The following SLURP2 variants were observed in gnomAD, a reference collection of about 807,000 sequenced individuals.
SLURP2 encodes secreted LY6/PLAUR domain containing 2.
In SLURP2, 4 loss-of-function variants were observed where a neutral mutation model predicts 9.8. That is an observed-to-expected ratio of 0.41 (90% confidence interval 0.20 to 0.94). SLURP2 has a LOEUF of 0.94. Among genes scored for constraint, SLURP2 ranks in the 40% least tolerant of loss-of-function variants. The pLI is 0.32. For missense variants in SLURP2, 118 were observed against 126.4 expected (o/e 0.93, Z 0.32); for synonymous variants, 58 against 56.2 (o/e 1.03, Z -0.15).
intron 2 of SLURP2, 27 bp downstream of exon 2, chr8:142,765,008 TG>T (rs1469817414): frequency 1.3e-6 from 2 of 1,570,488 alleles, no homozygotes; most frequent in African/African-American, 2.7e-5. Flanking sequence ...AAGAAGGACG[TG>T]GCCAGCCCAC....
chr8:142,764,706 T>C lies in SLURP2; in HGVS notation c.193A>G (p.Thr65Ala). Residue 65 changes from threonine (T) to alanine (A), a missense_variant, in exon 3 of 3, where the codon ACC becomes GCC. Coordinates refer to ENST00000317543, the MANE Select transcript of SLURP2 (RefSeq NM_177458.3). ...LSNTEDLPLV[T>A]KMCHIGCPDI... ...GGGCAGCCTATGTGGCACATCTTGG[T>C]GACCAGAGGCAAATCCTCGGTGTTG... is the stretch of plus-strand genomic sequence containing the variant. The C allele has an allele frequency of 6.2e-7, 1 of 1,613,324 alleles. No homozygotes were observed. Among genetic ancestry groups the C allele is most frequent in the Non-Finnish European group, 8.5e-7 (1 of 1,179,730 alleles).
chr8:142,765,969 AAAAACAAAAAAC>A (rs1459549215), intron 1 of SLURP2, among the ~76,000 whole-genome samples: 7 of 142,928 alleles, frequency 4.9e-5, no homozygotes, highest in South Asian at 4.4e-4. Flanking sequence ...CCTCAAAAAA[AAAAACAAAAAAC>A]AAAAAACAAA....
intron 1 of SLURP2, among the ~76,000 whole-genome samples, chr8:142,767,437 G>T (rs1815039656): frequency 6.6e-6 from 1 of 152,238 alleles, no homozygotes; most frequent in Non-Finnish European, 1.5e-5. Flanking sequence ...ACAGGCCACA[G>T]CTGGCTGGGG....
rs751635468 is a variant in SLURP2 at position 142,764,722 on chromosome 8, C to T, written c.177G>A (p.Glu59=). ...TTATRVLSNT[E]DLPLVTKMCH... is the part of the protein sequence containing the mutation. ...ACATCTTGGTGACCAGAGGCAAATC[C>T]TCGGTGTTGCTGAGGACCCCTGAGT... The change falls in exon 3 of 3, where the codon GAG becomes GAA. Residue 59 remains glutamate (E), a synonymous_variant. Transcript: ENST00000317543. 57 of 1,613,464 alleles carry T rather than the reference C, an allele frequency of 3.5e-5. No homozygotes were observed. The highest frequency in any genetic ancestry group is 4.7e-5 in the Non-Finnish European group (56 of 1,179,840).
rs1815061940 is a variant in SLURP2, at chr8:142,768,197, G to T, written c.52+1558C>A. Among the ~76,000 whole-genome samples the T allele has an allele frequency of 1.4e-5, 2 of 140,128 alleles. No homozygotes were observed. Among genetic ancestry groups the T allele is most frequent in the African/African-American group, 5.3e-5 (2 of 37,656 alleles). 91.9% of individuals were successfully genotyped at this position (140,128 alleles called of 152,430 possible). A position where few individuals can be genotyped will look rare whatever the true frequency, so the allele number is the denominator to read the frequency against. ...GGAGAGGAAGGAAGGAAGGGAAGGA[G>T]GGAGGAGGAATAGAGAGGAGGAGGG... On this transcript the variant is annotated intron_variant, in intron 1 of 2. Transcript: ENST00000317543. The surrounding 1 kb of genome is among the most constrained non-coding windows in gnomAD (Gnocchi z 4.8).
At chr8:142,769,710 T>C (rs1176318881) in intron 1 of SLURP2, 45 bp downstream of exon 1, 1 of 1,559,720 alleles carries the variant, frequency 6.4e-7, no homozygotes, top group Non-Finnish European at 8.7e-7. Flanking sequence ...TGGGCTAGAG[T>C]GATGGGGGCC....
chr8:142,764,456 T>A lies in SLURP2; in HGVS notation c.*149A>T. 2.3e-6 allele frequency: 2 copies of A among 866,906 alleles called. No homozygotes were observed. The highest frequency in any genetic ancestry group is 3.7e-6 in the Non-Finnish European group (2 of 536,038). The allele number at this position is 866,906 out of a possible 1,614,324, so 53.7% of individuals were successfully genotyped here. On this transcript the variant is annotated 3_prime_UTR_variant, in exon 3 of 3. Transcript: ENST00000317543. ...ATTGAGGCAAGACTCCACGCAGGAC[T>A]TCCCTAGGACAAGCGGTGCTGGACG...
intron 1 of SLURP2, 75 bp from the exon 2 acceptor site, chr8:142,765,215 C>T: frequency 2.7e-6 from 3 of 1,092,834 alleles, no homozygotes; most frequent in Non-Finnish European, 4.0e-6. Context: ...TGACGGCACG[C>T]ACTCATCTCC....
intron 1 of SLURP2, among the ~76,000 whole-genome samples, chr8:142,765,790 ATC>A (rs1814986115): frequency 6.6e-6 from 1 of 151,916 alleles, no homozygotes. Context: ...GTGAAACCCT[ATC>A]TCTACTAAAA....
At chr8:142,767,448 T>G (rs1043158986) in intron 1 of SLURP2, among the ~76,000 whole-genome samples, 1 of 151,478 alleles carries the variant, frequency 6.6e-6, no homozygotes, top group African/African-American at 2.4e-5. Context: ...CTGGCTGGGG[T>G]GGGGGGTAGC....
intron 1 of SLURP2, chr8:142,766,557 G>A (rs1047634670): frequency 2.6e-5 from 4 of 152,300 alleles, no homozygotes; most frequent in African/African-American, 7.2e-5. Context: ...CTGCTCTTCC[G>A]CGGGCGCTGC....
At chr8:142,765,832 G>A (rs775535456) in intron 1 of SLURP2, among the ~76,000 whole-genome samples, 8 of 151,960 alleles carry the variant, frequency 5.3e-5, no homozygotes, top group East Asian at 1.9e-4. Context: ...GCATGGTGGC[G>A]TGTGCCTGTA....
chr8:142,764,455 C>T lies in SLURP2; in HGVS notation c.*150G>A. The T allele has an allele frequency of 1.2e-6, 1 of 864,094 alleles. No homozygotes were observed. Among genetic ancestry groups the T allele is most frequent in the Non-Finnish European group, 1.9e-6 (1 of 533,430 alleles). 53.5% of individuals were successfully genotyped at this position (864,094 alleles called of 1,614,324 possible). ...GATTGAGGCAAGACTCCACGCAGGA[C>T]TTCCCTAGGACAAGCGGTGCTGGAC... On this transcript the variant is annotated 3_prime_UTR_variant, in exon 3 of 3. Coordinates refer to ENST00000317543, the MANE Select transcript of SLURP2 (RefSeq NM_177458.3).
At position 142,764,641 on chromosome 8, in the gene SLURP2, G is replaced by A. The variant is rs61742294; in HGVS notation, c.258C>T (p.Ile86=). The A allele has an allele frequency of 1.7e-4, 270 of 1,608,884 alleles. No individual in the cohort carries two copies. In the African/African-American group the frequency reaches 3.2e-3, roughly 19 times the overall value. Residue 86 remains isoleucine, a synonymous_variant, in exon 3 of 3, where the codon ATC becomes ATT. Coordinates refer to ENST00000317543, the MANE Select transcript of SLURP2 (RefSeq NM_177458.3). ...PSLGLGPYVS[I]ACCQTSLCNH... ...TGCAGAGGCTGGTCTGGCAGCAAGC[G>A]ATGGATACGTAGGGGCCCAGGCCCA...
chr8:142,769,643 C>T (rs1033000582), intron 1 of SLURP2, 112 bp downstream of exon 1: 5 of 912,228 alleles, frequency 5.5e-6, no homozygotes, highest in African/African-American at 3.3e-5. Context: ...GGTGGGGGGA[C>T]AGGAATGGGT....
In SLURP2 at chr8:142,768,320, C is replaced by T. The variant is rs1204841824; in HGVS notation, c.52+1435G>A. ...CTGCATGGCTGGGGGCAGGTCTCTC[C>T]CACTGGGGACCCCCGTGCTGGCTCT... On this transcript the variant is annotated intron_variant, in intron 1 of 2. Coordinates refer to ENST00000317543, the MANE Select transcript of SLURP2 (RefSeq NM_177458.3). This position sits in a 1 kb window ranked among gnomAD's most constrained non-coding sequence, Gnocchi z 4.8. Among the ~76,000 whole-genome samples, 1 of 152,032 alleles carries T rather than the reference C, an allele frequency of 6.6e-6. No individual in the cohort carries two copies. Among genetic ancestry groups the T allele is most frequent in the East Asian group, 1.9e-4 (1 of 5,162 alleles).
At chr8:142,766,773 CCT>C (rs1815022184) in intron 1 of SLURP2, among the ~76,000 whole-genome samples, 5 of 152,212 alleles carry the variant, frequency 3.3e-5, no homozygotes. Context: ...AAGCAGAGTC[CCT>C]AACACCTGCT....
intron 1 of SLURP2, among the ~76,000 whole-genome samples, chr8:142,765,407 C>G (rs1297691916): frequency 6.6e-6 from 1 of 151,394 alleles, no homozygotes; most frequent in Non-Finnish European, 1.5e-5. Context: ...AGCCCTGGCT[C>G]GCAGTGTGAT....
rs1255462353 is a variant in SLURP2, at chr8:142,768,306, G to C, written c.52+1449C>G. 6.6e-6 allele frequency among the ~76,000 whole-genome samples: 1 copy of C among 151,998 alleles called. No homozygotes were observed. Among genetic ancestry groups the C allele is most frequent in the African/African-American group, 2.4e-5 (1 of 41,362 alleles). Reference sequence around the variant, plus strand: ...GGCTCTGGGTGTAGCTGCATGGCTGGGGGCAGGTCTCTCCCACTGGGGACC... The same window carrying C: ...GGCTCTGGGTGTAGCTGCATGGCTGCGGGCAGGTCTCTCCCACTGGGGACC... On this transcript the variant is annotated intron_variant, in intron 1 of 2. Coordinates refer to ENST00000317543, the MANE Select transcript of SLURP2 (RefSeq NM_177458.3). This position sits in a 1 kb window ranked among gnomAD's most constrained non-coding sequence, Gnocchi z 4.8.
Sources: allele counts gnomAD v4.1 joint callset (sites outside exome capture counted in the v4.1 genomes callset), GRCh38; gene constraint gnomAD v4.1.1; non-coding constraint Gnocchi (gnomAD v3.1); transcripts MANE v1.5; gene names NCBI Gene and HGNC (gene_info 2026-07-23, HGNC 2026-07-21).